NEGR1: variants seen among roughly 807,000 people sequenced by gnomAD.
NEGR1 encodes the protein IgLON family member 4.
A neutral mutation model predicts 40.9 loss-of-function variants in NEGR1; 10 were observed. The observed-to-expected ratio is 0.24, with a 90% CI of 0.15 to 0.42. The LOEUF is 0.42. NEGR1 is among the 10% of genes least tolerant of loss of function. The probability of loss-of-function intolerance (pLI) is 1.00; values close to 1 mark genes in which losing one functional copy is unlikely to be tolerated. For missense variants in NEGR1, 352 were observed against 438.9 expected (o/e 0.80, Z 1.77); for synonymous variants, 185 against 166.8 (o/e 1.11, Z -0.84).
At chr1:71,664,785 T>G (rs1032858661) in intron 4 of NEGR1, among the ~76,000 whole-genome samples, 2 of 152,156 alleles carry the variant, frequency 1.3e-5, no homozygotes, top group African/African-American at 4.8e-5. Context: ...AATATCTCTT[T>G]GTGTTTCTGA....
At chr1:71,643,640 T>A (rs894034796) in intron 4 of NEGR1, among the ~76,000 whole-genome samples, 2 of 152,032 alleles carry the variant, frequency 1.3e-5, no homozygotes, top group African/African-American at 2.4e-5. Flanking sequence ...ATTCCAATCA[T>A]GATCAAACAC....
chr1:71,932,123 G>T (rs1202349876), intron 2 of NEGR1, among the ~76,000 whole-genome samples: 1 of 152,048 alleles, frequency 6.6e-6, no homozygotes, highest in Non-Finnish European at 1.5e-5. Flanking sequence ...AAAATATAAA[G>T]AGAAATGAAA....
chr1:71,771,439 A>C (rs1656318672), intron 3 of NEGR1, among the ~76,000 whole-genome samples: 1 of 152,064 alleles, frequency 6.6e-6, no homozygotes, highest in African/African-American at 2.4e-5. Flanking sequence ...CCAGAACTTA[A>C]AGTATCATAA....
chr1:71,921,332 C>T (rs1645715177), intron 2 of NEGR1, among the ~76,000 whole-genome samples: 1 of 152,008 alleles, frequency 6.6e-6, no homozygotes, highest in Non-Finnish European at 1.5e-5. Flanking sequence ...AGTTGGGATA[C>T]AGCCAGGAAA....
chr1:72,081,502 A>C (rs1355969686), intron 1 of NEGR1, among the ~76,000 whole-genome samples: 3 of 152,080 alleles, frequency 2.0e-5, no homozygotes, highest in African/African-American at 7.2e-5. Context: ...CACTTGCCAC[A>C]TTTTAAAGTT....
At chr1:72,070,488 G>T (rs1401177133) in intron 1 of NEGR1, among the ~76,000 whole-genome samples, 3 of 151,836 alleles carry the variant, frequency 2.0e-5, no homozygotes, top group African/African-American at 7.3e-5. Flanking sequence ...CAATTTTATT[G>T]CTTCATGTAG....
chr1:71,666,003 C>T (rs1202211098), intron 4 of NEGR1, among the ~76,000 whole-genome samples: 1 of 152,060 alleles, frequency 6.6e-6, no homozygotes, highest in Non-Finnish European at 1.5e-5. Context: ...GTCTTGGATT[C>T]AATAAAAAAC....
At chr1:72,242,363 A>G (rs1194264) in intron 1 of NEGR1, among the ~76,000 whole-genome samples, 14,643 of 151,534 alleles carry the variant, frequency 0.097, 1,809 homozygotes, top group African/African-American at 0.29. Flanking sequence ...GTGTCTGTGT[A>G]TATTTCATTT....
At chr1:71,564,344 G>C (rs942648977) in intron 6 of NEGR1, among the ~76,000 whole-genome samples, 1 of 152,032 alleles carries the variant, frequency 6.6e-6, no homozygotes, top group African/African-American at 2.4e-5. Flanking sequence ...TTCATAAACT[G>C]GGAAAAATCA....
At chr1:71,674,499 A>G (rs1177820472) in intron 4 of NEGR1, among the ~76,000 whole-genome samples, 1 of 152,088 alleles carries the variant, frequency 6.6e-6, no homozygotes, top group Non-Finnish European at 1.5e-5. Flanking sequence ...ACTTTGTATT[A>G]CATTAGCTAT....
intron 4 of NEGR1, among the ~76,000 whole-genome samples, chr1:71,660,764 A>G (rs1011599791): frequency 2.0e-5 from 3 of 152,104 alleles, no homozygotes; most frequent in Non-Finnish European, 4.4e-5. Context: ...GGTTTGTTAC[A>G]TAGGTATACA....
intron 6 of NEGR1, among the ~76,000 whole-genome samples, chr1:71,425,096 G>C (rs1046602692): frequency 6.6e-6 from 1 of 152,028 alleles, no homozygotes; most frequent in Non-Finnish European, 1.5e-5. Context: ...GGGTTAAAGG[G>C]ACAAAAGTTA....
At chr1:71,722,237 A>G (rs1654532713) in intron 3 of NEGR1, among the ~76,000 whole-genome samples, 1 of 152,142 alleles carries the variant, frequency 6.6e-6, no homozygotes, top group Non-Finnish European at 1.5e-5. Flanking sequence ...ATTTGCAAAT[A>G]GAATGTTTTC....
At chr1:71,855,078 A>T (rs1436831110) in intron 2 of NEGR1, among the ~76,000 whole-genome samples, 1 of 152,056 alleles carries the variant, frequency 6.6e-6, no homozygotes, top group Non-Finnish European at 1.5e-5. Context: ...GATCCTCTAC[A>T]CTTCTTATCC....
chr1:71,826,123 A>T (rs1658613656), intron 2 of NEGR1, among the ~76,000 whole-genome samples: 1 of 151,744 alleles, frequency 6.6e-6, no homozygotes, highest in African/African-American at 2.4e-5. Context: ...CCCTCTTTCC[A>T]TCTGATGTTC....
intron 1 of NEGR1, among the ~76,000 whole-genome samples, chr1:71,999,654 TA>T (rs1646538178): frequency 2.1e-5 from 1 of 46,846 alleles, no homozygotes; most frequent in Non-Finnish European, 5.3e-5. Flanking sequence ...TATATATATA[TA>T]TATATATATA....
intron 1 of NEGR1, among the ~76,000 whole-genome samples, chr1:72,189,630 G>T (rs1294117376): frequency 1.3e-5 from 2 of 151,520 alleles, no homozygotes; most frequent in East Asian, 3.9e-4. Flanking sequence ...CCTTAGAAAT[G>T]TTGTTTGTTT....
At chr1:71,797,663 C>A (rs969312708) in intron 2 of NEGR1, among the ~76,000 whole-genome samples, 4 of 152,050 alleles carry the variant, frequency 2.6e-5, no homozygotes, top group African/African-American at 9.7e-5. Flanking sequence ...ACATTAAATG[C>A]TGTTGGATTG....
At chr1:72,273,256 C>A (rs1655910481) in intron 1 of NEGR1, among the ~76,000 whole-genome samples, 1 of 151,924 alleles carries the variant, frequency 6.6e-6, no homozygotes, top group Non-Finnish European at 1.5e-5. Context: ...AGTTATTCAT[C>A]CATATTAACA....
Sources: allele counts gnomAD v4.1 joint callset (sites outside exome capture counted in the v4.1 genomes callset), GRCh38; gene constraint gnomAD v4.1.1; transcripts MANE v1.5; gene names NCBI Gene and HGNC (gene_info 2026-07-23, HGNC 2026-07-21).